CDK6: variants seen among roughly 807,000 people sequenced by gnomAD.
CDK6 encodes the protein cyclin dependent kinase 6.
In CDK6, 6 loss-of-function variants were observed where a neutral mutation model predicts 37.1. That is an observed-to-expected ratio of 0.16 (90% CI 0.09 to 0.32). The LOEUF is 0.32. CDK6 is among the 10% of genes least tolerant of loss of function. The pLI is 1.00. For missense variants in CDK6, 224 were observed against 418.9 expected (o/e 0.53, Z 4.06); for synonymous variants, 160 against 161.3 (o/e 0.99, Z 0.06).
chr7:92,650,736 C>A (rs1796553996), intron 5 of CDK6, among the ~76,000 whole-genome samples: 1 of 152,182 alleles, frequency 6.6e-6, no homozygotes, highest in Admixed American at 6.5e-5. Context: ...TGTCTCCTTG[C>A]CAGTTGACAG....
chr7:92,757,159 CTTTTA>C (rs1799337856), intron 3 of CDK6, among the ~76,000 whole-genome samples: 1 of 152,096 alleles, frequency 6.6e-6, no homozygotes, highest in African/African-American at 2.4e-5. Flanking sequence ...TGATTTTTAA[CTTTTA>C]TTTTAGGTTT....
chr7:92,753,251 G>A (rs1799229509), intron 3 of CDK6, among the ~76,000 whole-genome samples: 1 of 152,108 alleles, frequency 6.6e-6, no homozygotes, highest in East Asian at 1.9e-4. Context: ...AACAAGAGTA[G>A]ATGAAAAATC....
intron 4 of CDK6, among the ~76,000 whole-genome samples, chr7:92,720,729 T>C (rs1798346750): frequency 6.6e-6 from 1 of 152,150 alleles, no homozygotes; most frequent in African/African-American, 2.4e-5. Context: ...AATTGCTGGC[T>C]GAGTGGCTGG....
intron 2 of CDK6, among the ~76,000 whole-genome samples, chr7:92,804,734 T>C (rs927058413): frequency 2.3e-5 from 3 of 132,052 alleles, no homozygotes; most frequent in Admixed American, 7.3e-5. Flanking sequence ...TTGAAATTTG[T>C]TTGTTGTGGG....
At chr7:92,789,388 G>A (rs563485299) in intron 2 of CDK6, among the ~76,000 whole-genome samples, 1 of 152,260 alleles carries the variant, frequency 6.6e-6, no homozygotes, top group South Asian at 2.1e-4. Context: ...TAACTACATA[G>A]GTAAGTGGTT....
Position 92,612,722 on chromosome 7 carries a change from A to C in CDK6, c.*2418T>G. ...AAAAGTTGAGCTCTCTACTCATTTA[A>C]AATTCTAAAGAATGCTGAAAAATTC... On this transcript the variant is annotated 3_prime_UTR_variant, in exon 8 of 8. Transcript: ENST00000424848. 1 of 233,182 alleles carries C rather than the reference A, an allele frequency of 4.3e-6. No homozygotes were observed. The highest frequency in any genetic ancestry group is 8.5e-6 in the Non-Finnish European group (1 of 117,986). The allele number at this position is 233,182 out of a possible 1,614,324, so 14.4% of individuals were successfully genotyped here.
In CDK6 at chr7:92,607,419, AAAC is replaced by A. The variant is rs1795452928; in HGVS notation, c.*7718_*7720del. On this transcript the variant is annotated 3_prime_UTR_variant, in exon 8 of 8. Coordinates refer to ENST00000424848, the MANE Select transcript of CDK6 (RefSeq NM_001145306.2). ...ACTCTACTATATGCATATTTAATAA[AAAC>A]AACTACAAAGTCCTTTACTTTAATT... 4.3e-6 allele frequency: 1 copy of A among 233,004 alleles called. No individual in the cohort carries two copies. Among genetic ancestry groups the A allele is most frequent in the Non-Finnish European group, 8.5e-6 (1 of 117,984 alleles). 14.4% of individuals were successfully genotyped at this position (233,004 alleles called of 1,614,324 possible). A position where few individuals can be genotyped will look rare whatever the true frequency, so the allele number is the denominator to read the frequency against.
intron 2 of CDK6, among the ~76,000 whole-genome samples, chr7:92,808,099 T>TA (rs542999974): frequency 2.8e-4 from 43 of 152,010 alleles, no homozygotes; most frequent in African/African-American, 7.7e-4. Context: ...AAAAAGAAAA[T>TA]AAAAAAAACT....
rs1024100193 is a variant in CDK6, at chr7:92,664,537, T to C, written c.647+6889A>G. On this transcript the variant is annotated intron_variant, in intron 5 of 7. Transcript: ENST00000424848. Reference sequence around the variant, plus strand: ...GTTTCACTGTCAGTTTCTCAGCTACTGGTGTTTAATTCATAGAAATCAATG... The same window carrying C: ...GTTTCACTGTCAGTTTCTCAGCTACCGGTGTTTAATTCATAGAAATCAATG... Among the ~76,000 whole-genome samples the C allele has an allele frequency of 7.9e-5, 12 of 152,338 alleles. 1 individual carries two copies. The East Asian group carries it at 2.3e-3, about 29-fold the overall frequency.
chr7:92,819,543 C>G (rs1174525830), intron 2 of CDK6, among the ~76,000 whole-genome samples: 1 of 152,020 alleles, frequency 6.6e-6, no homozygotes, highest in African/African-American at 2.4e-5. Flanking sequence ...ATACCTTTAG[C>G]TCGTTTTGAC....
At chr7:92,828,919 A>G (rs1801404929) in intron 2 of CDK6, among the ~76,000 whole-genome samples, 1 of 152,162 alleles carries the variant, frequency 6.6e-6, no homozygotes, top group Non-Finnish European at 1.5e-5. Flanking sequence ...AGAGACAGAA[A>G]GAACAAACAT....
intron 2 of CDK6, among the ~76,000 whole-genome samples, chr7:92,806,996 C>T (rs1276749152): frequency 6.6e-6 from 1 of 152,104 alleles, no homozygotes; most frequent in African/African-American, 2.4e-5. Flanking sequence ...TAAGATAAGC[C>T]ATACTGAAGT....
At chr7:92,690,028 T>C (rs1293973980) in intron 4 of CDK6, among the ~76,000 whole-genome samples, 3 of 152,284 alleles carry the variant, frequency 2.0e-5, no homozygotes, top group African/African-American at 4.8e-5. Flanking sequence ...TAGACCTTTG[T>C]TGGATGCACA....
intron 5 of CDK6, among the ~76,000 whole-genome samples, chr7:92,657,736 GAC>G (rs1796729524): frequency 6.6e-6 from 1 of 152,102 alleles, no homozygotes; most frequent in African/African-American, 2.4e-5. Context: ...TAATATTTTT[GAC>G]ACAGTCTCAC....
At chr7:92,778,836 T>A (rs866012719) in intron 2 of CDK6, among the ~76,000 whole-genome samples, 15 of 150,888 alleles carry the variant, frequency 9.9e-5, no homozygotes, top group Middle Eastern at 6.9e-3. Context: ...ATAATTAATA[T>A]ATTTAGTGAA....
At chr7:92,687,538 C>T (rs1322491949) in intron 4 of CDK6, among the ~76,000 whole-genome samples, 1 of 152,108 alleles carries the variant, frequency 6.6e-6, no homozygotes, top group Non-Finnish European at 1.5e-5. Flanking sequence ...GAAAAGTGTT[C>T]TAGATTAACA....
intron 3 of CDK6, among the ~76,000 whole-genome samples, chr7:92,758,417 A>T (rs1219452844): frequency 6.6e-6 from 1 of 151,964 alleles, no homozygotes; most frequent in Non-Finnish European, 1.5e-5. Flanking sequence ...TGTTTTTGTC[A>T]GGTTTGTGGA....
intron 4 of CDK6, among the ~76,000 whole-genome samples, chr7:92,693,989 T>G (rs1291139262): frequency 6.6e-6 from 1 of 152,222 alleles, no homozygotes; most frequent in Non-Finnish European, 1.5e-5. Context: ...TAATCATTTA[T>G]GTGGTCATCT....
chr7:92,656,195 G>A (rs994064393), intron 5 of CDK6, among the ~76,000 whole-genome samples: 3 of 152,114 alleles, frequency 2.0e-5, no homozygotes, highest in South Asian at 2.1e-4. Context: ...AAGAAGCTAG[G>A]TAATATCTTT....
Sources: allele counts gnomAD v4.1 joint callset (sites outside exome capture counted in the v4.1 genomes callset), GRCh38; gene constraint gnomAD v4.1.1; transcripts MANE v1.5; gene names NCBI Gene and HGNC (gene_info 2026-07-23, HGNC 2026-07-21).